Variants in NEBL observed in about 807,000 individuals in gnomAD.
NEBL encodes nebulette, also known as LIM and SH3 protein 2.
In NEBL, 122 loss-of-function variants were observed where a neutral mutation model predicts 140.2. The ratio of observed to expected loss-of-function variants is 0.87; its 90% CI spans 0.75 to 1.01. The LOEUF is 1.01. NEBL is among the 50% of genes least tolerant of loss of function. NEBL has a pLI of 0.00. For missense variants in NEBL, 1,365 were observed against 1,231.3 expected, an observed-to-expected ratio of 1.11 and a Z score of -1.62; for synonymous variants, 436 against 398.9, an observed-to-expected ratio of 1.09 and a Z score of -1.11.
intron 2 of NEBL, among the ~76,000 whole-genome samples, chr10:21,161,464 G>A (rs1276100120): frequency 6.6e-6 from 1 of 152,134 alleles, no homozygotes; most frequent in Non-Finnish European, 1.5e-5. Flanking sequence ...TCCAACAGAG[G>A]GACAATTTCT....
intron 2 of NEBL, chr10:21,146,291 CT>C (rs1839887970): frequency 6.8e-7 from 1 of 1,469,230 alleles, no homozygotes; most frequent in South Asian, 1.3e-5. Flanking sequence ...CCACGTGGCC[CT>C]GTCTCAGCAC....
intron 3 of NEBL, chr10:20,961,812 A>C (rs1836063249): frequency 6.6e-7 from 1 of 1,517,866 alleles, no homozygotes; most frequent in African/African-American, 1.4e-5. Flanking sequence ...AAGTGAACAG[A>C]GGGATCACGA....
intron 3 of NEBL, among the ~76,000 whole-genome samples, chr10:21,191,931 T>C (rs1213833139): frequency 1.3e-5 from 2 of 152,152 alleles, no homozygotes; most frequent in Admixed American, 6.5e-5. Context: ...CAGTCAAATA[T>C]CTGTAAAACA....
intron 3 of NEBL, among the ~76,000 whole-genome samples, chr10:21,184,756 A>C (rs1046916741): frequency 6.6e-5 from 10 of 152,262 alleles, no homozygotes; most frequent in African/African-American, 7.2e-5. Flanking sequence ...TGACATAAGA[A>C]GATGTTTCTG....
At chr10:21,192,918 C>G (rs1218949290) in intron 3 of NEBL, among the ~76,000 whole-genome samples, 1 of 151,988 alleles carries the variant, frequency 6.6e-6, no homozygotes, top group Non-Finnish European at 1.5e-5. Context: ...ATACAAACAC[C>G]TTGAATACCA....
intron 2 of NEBL, among the ~76,000 whole-genome samples, chr10:21,117,475 A>T (rs1838337248): frequency 6.6e-6 from 1 of 152,048 alleles, no homozygotes; most frequent in South Asian, 2.1e-4. Context: ...ACTTAGGGTA[A>T]TTCCTGGGCT....
chr10:20,811,019 T>C (rs1337660066), intron 24 of NEBL, among the ~76,000 whole-genome samples: 3 of 152,162 alleles, frequency 2.0e-5, no homozygotes, highest in African/African-American at 4.8e-5. Flanking sequence ...GCAGCACAAA[T>C]TGGCTTAATC....
chr10:20,839,568 C>T (rs983574071), intron 13 of NEBL, among the ~76,000 whole-genome samples: 4 of 152,070 alleles, frequency 2.6e-5, no homozygotes, highest in South Asian at 4.1e-4. Context: ...TACTAAAGTG[C>T]CTTTTAAATG....
chr10:21,109,358 C>A (rs577375327), intron 2 of NEBL, among the ~76,000 whole-genome samples: 2 of 152,094 alleles, frequency 1.3e-5, no homozygotes, highest in Non-Finnish European at 2.9e-5. Context: ...CTGACTTGAT[C>A]GTGGCGGATA....
chr10:20,807,547 T>C (rs1232051995), intron 26 of NEBL, among the ~76,000 whole-genome samples: 1 of 152,238 alleles, frequency 6.6e-6, no homozygotes, highest in African/African-American at 2.4e-5. Flanking sequence ...CCCATTAGTG[T>C]TTCACTGTAA....
At chr10:20,843,925 A>C (rs1361380626) in intron 12 of NEBL, among the ~76,000 whole-genome samples, 3 of 152,040 alleles carry the variant, frequency 2.0e-5, no homozygotes, top group African/African-American at 4.8e-5. Flanking sequence ...ACCAGAGCTC[A>C]TTCCTTTGTA....
At position 20,813,866 on chromosome 10, in the gene NEBL, G is replaced by A. The variant is rs966650237; in HGVS notation, c.2346+73C>T. On this transcript the variant is annotated intron_variant, in intron 23 of 27. Coordinates refer to ENST00000377122, the MANE Select transcript of NEBL (RefSeq NM_006393.3). ...CTTTGTTAGTTATCGGATTAATAGT[G>A]AAGTAATGCCATCCGTGCACTGGAT... The A allele has an allele frequency of 5.1e-6, 5 of 973,730 alleles. No individual in the cohort carries two copies. The African/African-American group carries it at 6.4e-5, about 12-fold the overall frequency. The allele number at this position is 973,730 out of a possible 1,614,324, so 60.3% of individuals were successfully genotyped here.
intron 3 of NEBL, among the ~76,000 whole-genome samples, chr10:21,015,350 C>G (rs1838512992): frequency 6.6e-6 from 1 of 152,184 alleles, no homozygotes; most frequent in Non-Finnish European, 1.5e-5. Context: ...TCGGAAGAAC[C>G]ATTTCAACGG....
chr10:20,930,762 A>G (rs1000202196), intron 4 of NEBL, among the ~76,000 whole-genome samples: 6 of 152,144 alleles, frequency 3.9e-5, no homozygotes, highest in African/African-American at 1.4e-4. Context: ...CTTCCTTACA[A>G]ATGATTCTAA....
chr10:21,125,810 G>T, intron 2 of NEBL: 2 of 1,576,060 alleles, frequency 1.3e-6, no homozygotes, highest in Non-Finnish European at 1.7e-6. Context: ...ATAAGACAGT[G>T]TCCTTCAGAC....
intron 2 of NEBL, among the ~76,000 whole-genome samples, chr10:21,093,819 T>G (rs752026440): frequency 2.0e-5 from 3 of 152,248 alleles, no homozygotes; most frequent in Non-Finnish European, 2.9e-5. Flanking sequence ...TTTATAAAAA[T>G]GTCCTAGACT....
At chr10:21,139,422 T>G (rs1839509563) in intron 2 of NEBL, among the ~76,000 whole-genome samples, 1 of 152,108 alleles carries the variant, frequency 6.6e-6, no homozygotes, top group Non-Finnish European at 1.5e-5. Context: ...ATACCCTACG[T>G]CCACTCAAAT....
intron 14 of NEBL, among the ~76,000 whole-genome samples, chr10:20,835,140 G>GA (rs1480244538): frequency 5.3e-5 from 8 of 152,164 alleles, no homozygotes; most frequent in African/African-American, 1.9e-4. Context: ...GTTCTGCTCA[G>GA]AAATTTGGAA....
At chr10:20,872,350 T>A (rs1366755042) in intron 5 of NEBL, among the ~76,000 whole-genome samples, 2 of 152,090 alleles carry the variant, frequency 1.3e-5, no homozygotes, top group African/African-American at 4.8e-5. Flanking sequence ...CCGCGCCTGA[T>A]CACTTGTCAG....
Sources: allele counts gnomAD v4.1 joint callset (sites outside exome capture counted in the v4.1 genomes callset), GRCh38; gene constraint gnomAD v4.1.1; transcripts MANE v1.5; gene names NCBI Gene and HGNC (gene_info 2026-07-23, HGNC 2026-07-21).